The following DSCAML1 variants were observed in gnomAD, a reference collection of about 807,000 sequenced individuals.
The protein encoded by DSCAML1 is DS cell adhesion molecule like 1.
Under a neutral mutation model 200.5 loss-of-function variants are expected in DSCAML1, and 38 were observed. The ratio of observed to expected loss-of-function variants is 0.19; its 90% confidence interval spans 0.15 to 0.25. DSCAML1 has a LOEUF of 0.25. Among genes scored for constraint, DSCAML1 ranks in the 10% least tolerant of loss-of-function variants. The probability of loss-of-function intolerance (pLI) is 1.00; values close to 1 mark genes in which losing one functional copy is unlikely to be tolerated. For synonymous variants in DSCAML1, 1,215 were observed against 1,165.0 expected (o/e 1.04, Z -0.87); for missense variants, 2,223 against 2,858.8 (o/e 0.78, Z 5.07).
At position 117,428,356 on chromosome 11, in the gene DSCAML1, G is replaced by A. The variant is rs146675916; in HGVS notation, c.6134C>T (p.Ala2045Val). ...VGRSQKQGAGAYSKSYTLV is the reference protein window; with the variant it reads ...VGRSQKQGAGVYSKSYTLV The stretch of plus-strand genomic sequence containing the variant: ...CACCAGGGTGTAGGATTTGGAGTAG[G>A]CCCCGGCCCCCTGCTTCTGAGACCT... Residue 2045 changes from alanine to valine, a missense_variant, in exon 33 of 33, where the codon GCC becomes GTC. Transcript: ENST00000651296. The A allele has an allele frequency of 3.7e-5, 58 of 1,579,468 alleles. No homozygotes were observed. Among genetic ancestry groups the A allele is most frequent in the Admixed American group, 1.8e-4 (10 of 55,464 alleles).
rs1385811425 is a variant in DSCAML1 at position 117,726,861 on chromosome 11, A to C, written c.511+49930T>G. Reference sequence around the variant, plus strand: ...TCTCTGGGAACTGCAGGGGAGCATAAGCAGCTCTATAGGGACAGGAGACTT... The same window carrying C: ...TCTCTGGGAACTGCAGGGGAGCATACGCAGCTCTATAGGGACAGGAGACTT... On this transcript the variant is annotated intron_variant, in intron 3 of 32. Transcript: ENST00000651296. Among the ~76,000 whole-genome samples, 4 of 152,216 alleles carry C rather than the reference A, an allele frequency of 2.6e-5. No individual in the cohort carries two copies. The East Asian group carries it at 5.8e-4, about 22-fold the overall frequency.
chr11:117,439,011 G>C, intron 23 of DSCAML1, 28 bp from the exon 24 acceptor site: 1 of 1,578,582 alleles, frequency 6.3e-7, no homozygotes, highest in Non-Finnish European at 8.6e-7. Context: ...CCACCCCTTA[G>C]CACAAGGGCG....
At chr11:117,696,219 C>T (rs1285703464) in intron 3 of DSCAML1, among the ~76,000 whole-genome samples, 2 of 152,184 alleles carry the variant, frequency 1.3e-5, no homozygotes, top group Non-Finnish European at 2.9e-5. Flanking sequence ...AGTTTTCAAA[C>T]AGGAGGCTAC....
Position 117,428,662 on chromosome 11 carries a change from T to G in DSCAML1, c.5828A>C (p.His1943Pro), listed in dbSNP as rs895906897. Residue 1943 changes from histidine (H) to proline (P), a missense_variant, in exon 33 of 33, where the codon CAC becomes CCC. By Grantham distance (77) the His-to-Pro change is moderately conservative. This residue lies in a region of DSCAML1 where 280 missense variants were observed against 213.4 expected (regional missense o/e 1.31). Coordinates refer to ENST00000651296, the MANE Select transcript of DSCAML1 (RefSeq NM_020693.4). ...CTTGCTGGCAGGGTCCAGGGTCAGG[T>G]GGCGAGCCTGGGTGTGGTAGGTTCG... ...LARTYHTQAR[H>P]LTLDPASKSL... is the part of the protein sequence containing the mutation. 6.2e-7 allele frequency: 1 copy of G among 1,612,102 alleles called. No individual in the cohort carries two copies. Among genetic ancestry groups the G allele is most frequent in the African/African-American group, 1.3e-5 (1 of 74,958 alleles).
At chr11:117,589,893 T>G (rs2051224658) in intron 3 of DSCAML1, among the ~76,000 whole-genome samples, 1 of 152,184 alleles carries the variant, frequency 6.6e-6, no homozygotes. Flanking sequence ...CCTAAGAGGT[T>G]AAGTGATTAC....
At chr11:117,712,316 G>A (rs2053863497) in intron 3 of DSCAML1, among the ~76,000 whole-genome samples, 1 of 152,156 alleles carries the variant, frequency 6.6e-6, no homozygotes, top group South Asian at 2.1e-4. Context: ...GTGGACAGTG[G>A]GGGTTGGGGA....
At chr11:117,604,401 TCTCC>T (rs1363511102) in intron 3 of DSCAML1, among the ~76,000 whole-genome samples, 8 of 151,170 alleles carry the variant, frequency 5.3e-5, no homozygotes, top group Non-Finnish European at 1.0e-4. Flanking sequence ...TGCACAGAGA[TCTCC>T]CTCCCTCCCA....
In DSCAML1 at chr11:117,435,748, T is replaced by A. The variant is rs1254577793; in HGVS notation, c.4772A>T (p.Lys1591Met). Residue 1591 changes from lysine to methionine, a missense_variant, in exon 27 of 33, where the codon AAG (lysine) becomes ATG (methionine). Transcript: ENST00000651296. Reference protein sequence around the residue: ...SAQGEGDDVKKLFTIGCPVIL... With the variant: ...SAQGEGDDVKMLFTIGCPVIL... ...GACAGGGCAGCCGATGGTGAACAGC[T>A]TCTTCACATCATCCCCTTCACCTTG... 1 of 1,613,572 alleles carries A rather than the reference T, an allele frequency of 6.2e-7. No individual in the cohort carries two copies.
chr11:117,673,973 C>T (rs1010891029), intron 3 of DSCAML1, among the ~76,000 whole-genome samples: 4 of 152,168 alleles, frequency 2.6e-5, no homozygotes, highest in Non-Finnish European at 4.4e-5. Context: ...CAATTAGAAG[C>T]GCATGTCCCA....
chr11:117,547,190 G>A (rs979195816), intron 3 of DSCAML1, among the ~76,000 whole-genome samples: 2 of 152,160 alleles, frequency 1.3e-5, no homozygotes, highest in African/African-American at 4.8e-5. Flanking sequence ...CCAGCCGGGG[G>A]CGACAGCCTC....
intron 3 of DSCAML1, among the ~76,000 whole-genome samples, chr11:117,726,278 T>C (rs995489588): frequency 1.3e-5 from 2 of 151,864 alleles, no homozygotes; most frequent in African/African-American, 2.4e-5. Flanking sequence ...TGTGTGTGTG[T>C]GTGTGTGTGT....
intron 3 of DSCAML1, among the ~76,000 whole-genome samples, chr11:117,598,612 G>T (rs2051405890): frequency 6.6e-6 from 1 of 152,144 alleles, no homozygotes; most frequent in Admixed American, 6.5e-5. Context: ...TGATCTAACT[G>T]ATCTCTTTTA....
At chr11:117,812,660 C>T (rs1484859811) in intron 1 of DSCAML1, among the ~76,000 whole-genome samples, 1 of 151,716 alleles carries the variant, frequency 6.6e-6, no homozygotes, top group East Asian at 1.9e-4. Flanking sequence ...CCCATTACTT[C>T]AGTCAAGCCC....
rs555033370 is a variant in DSCAML1 at position 117,433,038 on chromosome 11, C to A, written c.5026+100G>T. 2.9e-5 allele frequency: 30 copies of A among 1,034,662 alleles called. 1 individual carries two copies. The Admixed American group carries it at 5.6e-4, about 19-fold the overall frequency. The allele number at this position is 1,034,662 out of a possible 1,614,324, so 64.1% of individuals were successfully genotyped here. A position where few individuals can be genotyped will look rare whatever the true frequency, so the allele number is the denominator to read the frequency against. On this transcript the variant is annotated intron_variant, in intron 29 of 32. Coordinates refer to ENST00000651296, the MANE Select transcript of DSCAML1 (RefSeq NM_020693.4). The stretch of plus-strand genomic sequence containing the variant: ...GTGGTTGATGGGGCTACTGCCAGAA[C>A]CCTGGGCACTGCCATGAGGGTTGGT...
chr11:117,542,099 C>G (rs1211519500), intron 3 of DSCAML1, among the ~76,000 whole-genome samples: 3 of 152,054 alleles, frequency 2.0e-5, no homozygotes, highest in African/African-American at 4.8e-5. Flanking sequence ...CACTTGAGGT[C>G]TGGAGTTTGA....
At chr11:117,538,603 T>G (rs1165498084) in intron 3 of DSCAML1, among the ~76,000 whole-genome samples, 2 of 152,162 alleles carry the variant, frequency 1.3e-5, no homozygotes, top group Non-Finnish European at 2.9e-5. Flanking sequence ...CTTTTCTGTC[T>G]TTTTCTAAAA....
intron 3 of DSCAML1, among the ~76,000 whole-genome samples, chr11:117,766,869 G>A (rs762031542): frequency 1.3e-5 from 2 of 152,252 alleles, no homozygotes; most frequent in Admixed American, 6.5e-5. Context: ...AGAGCAGCCC[G>A]CCTGCTGGGA....
chr11:117,558,919 T>G (rs1317341257), intron 3 of DSCAML1, among the ~76,000 whole-genome samples: 1 of 152,146 alleles, frequency 6.6e-6, no homozygotes, highest in Non-Finnish European at 1.5e-5. Context: ...TTAATTTTAT[T>G]ATTATTATTT....
rs376030819 is a variant in DSCAML1 at position 117,491,216 on chromosome 11, C to T, written c.2360-9054G>A. 7.2e-5 allele frequency among the ~76,000 whole-genome samples: 11 copies of T among 152,342 alleles called. No homozygotes were observed. In the South Asian group the frequency reaches 2.3e-3, roughly 32 times the overall value. ...CCAAAAGGAAGCCTGGGTACATCTT[C>T]ACCCCATTCATGGGCATGACTACGA... On this transcript the variant is annotated intron_variant, in intron 11 of 32. Coordinates refer to ENST00000651296, the MANE Select transcript of DSCAML1 (RefSeq NM_020693.4).
Sources: allele counts gnomAD v4.1 joint callset (sites outside exome capture counted in the v4.1 genomes callset), GRCh38; gene constraint gnomAD v4.1.1; regional missense constraint gnomAD v4.1.1; transcripts MANE v1.5; gene names NCBI Gene and HGNC (gene_info 2026-07-23, HGNC 2026-07-21).